The following SOS1 variants were observed in gnomAD, a reference collection of about 807,000 sequenced individuals.
The protein encoded by SOS1 is SOS Ras/Rac guanine nucleotide exchange factor 1.
SOS1 carries 25 observed loss-of-function variants against 157.6 expected under a neutral mutation model. The observed-to-expected ratio is 0.16, with a 90% confidence interval of 0.12 to 0.22. SOS1 has a LOEUF of 0.22. Among genes scored for constraint, SOS1 ranks in the 10% least tolerant of loss-of-function variants. SOS1 has a pLI of 1.00. For missense variants in SOS1, 1,237 were observed against 1,599.1 expected (o/e 0.77, Z 3.86); for synonymous variants, 528 against 534.0 (o/e 0.99, Z 0.16).
At position 39,115,619 on chromosome 2, in the gene SOS1, G is replaced by A. The variant is rs548494769; in HGVS notation, c.87+4717C>T. ...TTTTGGCTAATTTTTTAAGTTTTTT[G>A]TAGAGACAGGGTTTCATTATGTTGC... On this transcript the variant is annotated intron_variant, in intron 1 of 22. Transcript: ENST00000402219. Among the ~76,000 whole-genome samples, 5 of 151,814 alleles carry A rather than the reference G, an allele frequency of 3.3e-5. No individual in the cohort carries two copies. In the South Asian group the frequency reaches 1.0e-3, roughly 32 times the overall value.
rs1304459037 is a variant in SOS1, at chr2:39,049,593, C to G, written c.864+1551G>C. On this transcript the variant is annotated intron_variant, in intron 6 of 22. Transcript: ENST00000402219. ...TTGTAATTGTTGATTTTATTAATTA[C>G]CATTCTGAGAATTAGAATTTGCCTT... Among the ~76,000 whole-genome samples the G allele has an allele frequency of 2.0e-5, 3 of 152,162 alleles. No individual in the cohort carries two copies. In the East Asian group the frequency reaches 5.8e-4, roughly 29 times the overall value.
intron 21 of SOS1, 116 bp downstream of exon 21, chr2:38,989,154 G>T: frequency 1.4e-6 from 1 of 730,648 alleles, no homozygotes; most frequent in East Asian, 2.6e-5. Context: ...CTAGGATGTT[G>T]CAAGCAAGGT....
At chr2:39,011,749 T>C (rs563517798) in intron 14 of SOS1, among the ~76,000 whole-genome samples, 11 of 152,294 alleles carry the variant, frequency 7.2e-5, no homozygotes, top group African/African-American at 2.6e-4. Context: ...TGTACATATA[T>C]TGACTTGCAA....
At chr2:39,114,584 G>C (rs1267706962) in intron 1 of SOS1, among the ~76,000 whole-genome samples, 2 of 152,044 alleles carry the variant, frequency 1.3e-5, no homozygotes, top group African/African-American at 2.4e-5. Flanking sequence ...TTACAGGCGT[G>C]AGCCACCTGG....
chr2:39,102,395 C>T (rs1278137298), intron 1 of SOS1, among the ~76,000 whole-genome samples: 2 of 149,830 alleles, frequency 1.3e-5, no homozygotes, highest in African/African-American at 4.9e-5. Context: ...TGTGGTGGTA[C>T]ACACTTGTAG....
intron 8 of SOS1, among the ~76,000 whole-genome samples, chr2:39,030,099 G>A (rs1052662239): frequency 2.0e-5 from 3 of 152,016 alleles, no homozygotes; most frequent in East Asian, 3.9e-4. Context: ...CCAGGTGGTC[G>A]AGGTTACAGT....
intron 1 of SOS1, among the ~76,000 whole-genome samples, chr2:39,083,850 T>C (rs903982871): frequency 6.6e-6 from 1 of 152,168 alleles, no homozygotes; most frequent in African/African-American, 2.4e-5. Context: ...AATATGATTG[T>C]TATGGGCTGA....
intron 1 of SOS1, among the ~76,000 whole-genome samples, chr2:39,067,989 T>G (rs1000912166): frequency 6.6e-6 from 1 of 151,996 alleles, no homozygotes; most frequent in African/African-American, 2.4e-5. Context: ...CCTTGTGGTG[T>G]GCGCCTGTAA....
At chr2:39,026,832 A>C (rs1278991440) in intron 8 of SOS1, among the ~76,000 whole-genome samples, 1 of 152,198 alleles carries the variant, frequency 6.6e-6, no homozygotes, top group Non-Finnish European at 1.5e-5. Context: ...CCACACATAA[A>C]ATATACTAAC....
At chr2:39,000,519 C>A (rs1669058515) in intron 17 of SOS1, among the ~76,000 whole-genome samples, 1 of 152,114 alleles carries the variant, frequency 6.6e-6, no homozygotes, top group African/African-American at 2.4e-5. Context: ...GGAGGCAGCT[C>A]TTCTAGGGAA....
At chr2:39,122,490 C>T (rs1374855909), upstream of SOS1, among the ~76,000 whole-genome samples, 1 of 147,024 alleles carries the variant, frequency 6.8e-6, no homozygotes. Flanking sequence ...ACAGACCGGC[C>T]GGGCGCAGTG....
At position 39,120,778 on chromosome 2, in the gene SOS1, C is replaced by A. The variant is rs1306123244; in HGVS notation, c.-356G>T. ...CGCCCGCCGGGGCTGCACTCCCGGG[C>A]CCGGTCTGGCCCCGCGGCGGAGCTG... is the stretch of plus-strand genomic sequence containing the variant. On this transcript the variant is annotated 5_prime_UTR_variant, in exon 1 of 23. Transcript: ENST00000402219. 6.7e-6 allele frequency among the ~76,000 whole-genome samples: 1 copy of A among 149,004 alleles called. No homozygotes were observed. The highest frequency in any genetic ancestry group is 1.5e-5 in the Non-Finnish European group (1 of 67,088).
intron 17 of SOS1, among the ~76,000 whole-genome samples, chr2:39,002,118 A>ACCAGCCTGG (rs557285744): frequency 1.3e-5 from 2 of 152,106 alleles, no homozygotes; most frequent in Middle Eastern, 3.4e-3. Context: ...GGAGTTTGAG[A>ACCAGCCTGG]CCAGCCTGGC....
At chr2:39,079,316 C>T (rs1246436336) in intron 1 of SOS1, among the ~76,000 whole-genome samples, 1 of 151,926 alleles carries the variant, frequency 6.6e-6, no homozygotes, top group Admixed American at 6.6e-5. Flanking sequence ...ATATCAAGTT[C>T]ATAAAAAAGC....
At chr2:39,045,012 TTCTA>T (rs1273988994) in intron 6 of SOS1, among the ~76,000 whole-genome samples, 1 of 152,214 alleles carries the variant, frequency 6.6e-6, no homozygotes, top group African/African-American at 2.4e-5. Context: ...CCTATATTAC[TTCTA>T]TCTAATATAA....
intron 1 of SOS1, among the ~76,000 whole-genome samples, chr2:39,103,847 C>A (rs1673064581): frequency 6.6e-6 from 1 of 152,134 alleles, no homozygotes; most frequent in African/African-American, 2.4e-5. Context: ...TATCAAGAAA[C>A]TAAAAAGATA....
chr2:39,046,061 G>A (rs1670771994), intron 6 of SOS1, among the ~76,000 whole-genome samples: 1 of 152,114 alleles, frequency 6.6e-6, no homozygotes. Flanking sequence ...TAAATAGGCT[G>A]AGTTTCATCA....
At chr2:38,996,460 T>G (rs1668897617) in intron 19 of SOS1, among the ~76,000 whole-genome samples, 1 of 152,186 alleles carries the variant, frequency 6.6e-6, no homozygotes, top group Non-Finnish European at 1.5e-5. Flanking sequence ...ATTCATAAAT[T>G]TGGCTGGGCA....
At chr2:39,084,061 G>A (rs1009352338) in intron 1 of SOS1, among the ~76,000 whole-genome samples, 2 of 152,110 alleles carry the variant, frequency 1.3e-5, no homozygotes, top group Admixed American at 6.6e-5. Context: ...GAAACAGGGA[G>A]AAGACAGCCA....
Sources: allele counts gnomAD v4.1 joint callset (sites outside exome capture counted in the v4.1 genomes callset), GRCh38; gene constraint gnomAD v4.1.1; transcripts MANE v1.5; gene names NCBI Gene and HGNC (gene_info 2026-07-23, HGNC 2026-07-21).